The following RBFOX1 variants were observed in gnomAD, a reference collection of about 807,000 sequenced individuals.
RBFOX1 encodes RNA binding fox-1 homolog 1, also known as RNA binding protein fox-1 homolog 1.
A neutral mutation model predicts 57.7 loss-of-function variants in RBFOX1; 8 were observed. The ratio of observed to expected loss-of-function variants is 0.14; its 90% CI spans 0.08 to 0.25. The LOEUF (loss-of-function observed/expected upper bound fraction) is 0.25. Ranked by LOEUF, RBFOX1 falls within the 10% of genes least tolerant of loss-of-function variation. The probability of loss-of-function intolerance (pLI) is 1.00; values close to 1 mark genes in which losing one functional copy is unlikely to be tolerated. For missense variants in RBFOX1, 611 were observed against 548.5 expected, an observed-to-expected ratio of 1.11 and a Z score of -1.14; for synonymous variants, 326 against 222.4, an observed-to-expected ratio of 1.47 and a Z score of -4.15.
chr16:6,454,745 G>C (rs2094718112), intron 2 of RBFOX1, among the ~76,000 whole-genome samples: 1 of 151,788 alleles, frequency 6.6e-6, no homozygotes. Flanking sequence ...AAAATGAATT[G>C]GACTTGAGTG....
At chr16:6,732,966 T>C (rs1473509185) in intron 3 of RBFOX1, among the ~76,000 whole-genome samples, 1 of 152,234 alleles carries the variant, frequency 6.6e-6, no homozygotes, top group Non-Finnish European at 1.5e-5. Flanking sequence ...TTTTACACAT[T>C]TATTTGCAGA....
intron 4 of RBFOX1, among the ~76,000 whole-genome samples, chr16:7,379,875 TAG>T (rs748470575): frequency 6.6e-6 from 1 of 152,050 alleles, no homozygotes; most frequent in African/African-American, 2.4e-5. Context: ...TCTTTCTAGA[TAG>T]AGTCTTGCCT....
intron 1 of RBFOX1, among the ~76,000 whole-genome samples, chr16:6,144,855 C>T (rs926601465): frequency 1.3e-5 from 2 of 152,166 alleles, no homozygotes; most frequent in Non-Finnish European, 1.5e-5. Context: ...TGAATCATCC[C>T]TCTTATGCAA....
At chr16:6,129,612 A>C (rs2096614994) in intron 1 of RBFOX1, among the ~76,000 whole-genome samples, 1 of 151,956 alleles carries the variant, frequency 6.6e-6, no homozygotes, top group Admixed American at 6.6e-5. Flanking sequence ...AAACAGTTGA[A>C]GTAAGCGGTG....
chr16:7,531,035 G>T (rs2079933560), intron 5 of RBFOX1, among the ~76,000 whole-genome samples: 3 of 152,288 alleles, frequency 2.0e-5, no homozygotes, highest in Non-Finnish European at 4.4e-5. Flanking sequence ...AAGGTTTTCA[G>T]CCTGTACCAC....
rs536336250 is a variant in RBFOX1, at chr16:7,078,311, T to C, written c.27+26213T>C. Among the ~76,000 whole-genome samples the C allele has an allele frequency of 2.0e-5, 3 of 152,346 alleles. No individual in the cohort carries two copies. The East Asian group carries it at 5.8e-4, about 29-fold the overall frequency. Reference sequence around the variant, plus strand: ...ACCTAACCCAGAAATGGTTTATCTTTGTAAAATGGCTTTCTCTTGTTTATA... The same window carrying C: ...ACCTAACCCAGAAATGGTTTATCTTCGTAAAATGGCTTTCTCTTGTTTATA... On this transcript the variant is annotated intron_variant, in intron 4 of 15. Coordinates refer to ENST00000550418, the MANE Select transcript of RBFOX1 (RefSeq NM_018723.4).
rs71408493 is a variant in RBFOX1 at position 7,001,360 on chromosome 16, GTGTGTA to G, written c.-15-50665_-15-50660del. 6.2e-3 allele frequency among the ~76,000 whole-genome samples: 891 copies of G among 143,530 alleles called. 1 individual carries two copies. The highest frequency in any genetic ancestry group is 0.01 in the Middle Eastern group (3 of 292). The allele number at this position is 143,530 out of a possible 152,430, so 94.2% of individuals were successfully genotyped here. A position where few individuals can be genotyped will look rare whatever the true frequency, so the allele number is the denominator to read the frequency against. ...GCCCTGACTCTGTGTGTGTGTGTTT[GTGTGTA>G]TGTGTATGTGTATGTGTATGTGTAT... On this transcript the variant is annotated intron_variant, in intron 3 of 15. Transcript: ENST00000550418.
intron 3 of RBFOX1, among the ~76,000 whole-genome samples, chr16:6,879,366 C>T (rs1170754163): frequency 1.3e-5 from 2 of 152,174 alleles, no homozygotes; most frequent in East Asian, 1.9e-4. Context: ...CTAATTTCAT[C>T]TCTCTCTCTG....
chr16:7,277,605 T>C (rs2095466011), intron 4 of RBFOX1, among the ~76,000 whole-genome samples: 1 of 152,124 alleles, frequency 6.6e-6, no homozygotes. Context: ...TATTTAAGTC[T>C]GAAAGCTCAT....
intron 3 of RBFOX1, among the ~76,000 whole-genome samples, chr16:6,899,453 G>T (rs573450921): frequency 6.6e-6 from 1 of 152,022 alleles, no homozygotes; most frequent in Non-Finnish European, 1.5e-5. Flanking sequence ...GGTTGTTTAC[G>T]GCCATTGGTT....
intron 3 of RBFOX1, among the ~76,000 whole-genome samples, chr16:6,877,446 A>G (rs998519647): frequency 6.6e-6 from 1 of 152,036 alleles, no homozygotes; most frequent in African/African-American, 2.4e-5. Flanking sequence ...AAACCAGAGT[A>G]GTGGGGAAGC....
At chr16:5,246,016 G>A (rs957952725) in intron 1 of RBFOX1, among the ~76,000 whole-genome samples, 11 of 152,168 alleles carry the variant, frequency 7.2e-5, no homozygotes, top group South Asian at 2.1e-4. Context: ...GGCCGAGGCC[G>A]TCGGATCACC....
At chr16:7,331,132 A>G (rs1384974492) in intron 4 of RBFOX1, among the ~76,000 whole-genome samples, 1 of 152,206 alleles carries the variant, frequency 6.6e-6, no homozygotes, top group East Asian at 1.9e-4. Context: ...CGTTATCTAG[A>G]AATGCAATTA....
At chr16:7,663,810 C>G (rs531454039) in intron 12 of RBFOX1, among the ~76,000 whole-genome samples, 1 of 152,288 alleles carries the variant, frequency 6.6e-6, no homozygotes, top group South Asian at 2.1e-4. Flanking sequence ...TTACAAAAAC[C>G]TGTGAAGGCT....
intron 1 of RBFOX1, among the ~76,000 whole-genome samples, chr16:6,303,425 G>T (rs2079063559): frequency 6.6e-6 from 1 of 152,040 alleles, no homozygotes; most frequent in Non-Finnish European, 1.5e-5. Context: ...GTAGGTAGCA[G>T]CTAGCTAGTT....
At chr16:7,234,863 TA>T (rs571087992) in intron 4 of RBFOX1, among the ~76,000 whole-genome samples, 4 of 152,138 alleles carry the variant, frequency 2.6e-5, no homozygotes, top group Non-Finnish European at 5.9e-5. Context: ...ATTTAATGGA[TA>T]ACAATTTTGT....
At chr16:7,287,904 G>C (rs369382702) in intron 4 of RBFOX1, among the ~76,000 whole-genome samples, 4 of 151,856 alleles carry the variant, frequency 2.6e-5, no homozygotes, top group Non-Finnish European at 5.9e-5. Context: ...TTTTTCCCTC[G>C]GTGTATTTTC....
intron 4 of RBFOX1, among the ~76,000 whole-genome samples, chr16:7,350,596 A>C (rs1252218886): frequency 6.6e-6 from 1 of 152,214 alleles, no homozygotes; most frequent in Non-Finnish European, 1.5e-5. Flanking sequence ...TAGTGGGACA[A>C]GATGCAAAAC....
At chr16:7,197,796 G>C (rs887247833) in intron 4 of RBFOX1, among the ~76,000 whole-genome samples, 1 of 152,106 alleles carries the variant, frequency 6.6e-6, no homozygotes, top group Admixed American at 6.5e-5. Context: ...AGAGCATTAT[G>C]CTAAGGGAAG....
Sources: gnomAD v4.1 joint callset for allele counts (sites outside exome capture counted in the v4.1 genomes callset) on GRCh38, gnomAD v4.1.1 for gene constraint, MANE v1.5 for transcripts, NCBI Gene and HGNC (gene_info 2026-07-23, HGNC 2026-07-21) for gene names.